The following TSPAN12 variants were observed in gnomAD, a reference collection of about 807,000 sequenced individuals.
TSPAN12 encodes tetraspanin-12.
TSPAN12 carries 19 observed loss-of-function variants against 39.2 expected under a neutral mutation model. That is an observed-to-expected ratio of 0.49 (90% confidence interval 0.34 to 0.71). The LOEUF (loss-of-function observed/expected upper bound fraction) is 0.71. Among genes scored for constraint, TSPAN12 ranks in the 30% least tolerant of loss-of-function variants. The pLI is 0.01. For synonymous variants in TSPAN12, 119 were observed against 124.8 expected (o/e 0.95, Z 0.31); for missense variants, 314 against 359.9 (o/e 0.87, Z 1.03).
chr7:120,827,189 C>T (rs1794305516), intron 4 of TSPAN12, among the ~76,000 whole-genome samples: 1 of 151,880 alleles, frequency 6.6e-6, no homozygotes, highest in African/African-American at 2.4e-5. Context: ...CCTTCTAAAT[C>T]ACATTTTTTT....
chr7:120,855,342 C>A (rs1794850822), intron 2 of TSPAN12, among the ~76,000 whole-genome samples: 1 of 152,142 alleles, frequency 6.6e-6, no homozygotes, highest in Non-Finnish European at 1.5e-5. Context: ...TTCAACCAGG[C>A]CATCTTTAAA....
chr7:120,856,057 C>T (rs1311216212), intron 2 of TSPAN12, among the ~76,000 whole-genome samples: 1 of 152,158 alleles, frequency 6.6e-6, no homozygotes, highest in African/African-American at 2.4e-5. Flanking sequence ...ATAAAGATTT[C>T]CATGAGCTTG....
At chr7:120,802,769 T>C (rs1429427201) in intron 7 of TSPAN12, among the ~76,000 whole-genome samples, 1 of 152,242 alleles carries the variant, frequency 6.6e-6, no homozygotes, top group East Asian at 1.9e-4. Flanking sequence ...TACAAGTTTG[T>C]AGCTTATTAT....
intron 5 of TSPAN12, chr7:120,814,387 T>C (rs1794040340): frequency 2.4e-6 from 1 of 410,612 alleles, no homozygotes; most frequent in South Asian, 1.8e-5. Context: ...TCCATTCTGA[T>C]TGAGCACATC....
chr7:120,838,722 A>C, intron 4 of TSPAN12, 55 bp downstream of exon 4: 1 of 1,563,866 alleles, frequency 6.4e-7, no homozygotes, highest in East Asian at 2.3e-5. Flanking sequence ...TTAAAAAATA[A>C]TATATTACTG....
At chr7:120,833,820 C>T (rs1431956083) in intron 4 of TSPAN12, among the ~76,000 whole-genome samples, 9 of 152,106 alleles carry the variant, frequency 5.9e-5, no homozygotes, top group Admixed American at 5.9e-4. Context: ...TTTCCTAATG[C>T]CTATGTTAAT....
chr7:120,793,300 A>AAATGACTTTGGATTCC, intron 7 of TSPAN12, among the ~76,000 whole-genome samples: 1 of 152,380 alleles, frequency 6.6e-6, no homozygotes, highest in Non-Finnish European at 1.5e-5. Context: ...AGGTTATTGA[A>AAATGACTTTGGATTCC]AATGACTTTG....
At chr7:120,814,108 C>T in intron 5 of TSPAN12, 1 of 437,604 alleles carries the variant, frequency 2.3e-6, no homozygotes, top group Non-Finnish European at 4.6e-6. Context: ...GCAGAGTAGC[C>T]ACTAGTCTGT....
Position 120,856,707 on chromosome 7 carries a change from C to T in TSPAN12, c.57G>A (p.Leu19=). 1 of 1,614,224 alleles carries T rather than the reference C, an allele frequency of 6.2e-7. No individual in the cohort carries two copies. Among genetic ancestry groups the T allele is most frequent in the Non-Finnish European group, 8.5e-7 (1 of 1,180,040 alleles). ...CLRCLLYALN[L]LFWLMSISVL... ...AGTGAAACTTACTTACCCAAAAGAG[C>T]AGATTGAGGGCGTAGAGCAGGCAGC... Residue 19 remains leucine (L), a synonymous_variant, in exon 2 of 8, where the codon CTG becomes CTA. Coordinates refer to ENST00000222747, the MANE Select transcript of TSPAN12 (RefSeq NM_012338.4).
rs1417188259 is a variant in TSPAN12 at position 120,799,923 on chromosome 7, TTTA to T, written c.612+6623_612+6625del. On this transcript the variant is annotated intron_variant, in intron 7 of 7. Coordinates refer to ENST00000222747, the MANE Select transcript of TSPAN12 (RefSeq NM_012338.4). Reference sequence around the variant, plus strand: ...TTTAATATATTTATTATATTAAATATTTATTATAATAGAATGTTGTATATGAAA... The same window carrying T: ...TTTAATATATTTATTATATTAAATATTTATAATAGAATGTTGTATATGAAA... Among the ~76,000 whole-genome samples, 4 of 144,422 alleles carry T rather than the reference TTTA, an allele frequency of 2.8e-5. No individual in the cohort carries two copies. The East Asian group carries it at 7.9e-4, about 28-fold the overall frequency. The allele number at this position is 144,422 out of a possible 152,430, so 94.7% of individuals were successfully genotyped here.
intron 1 of TSPAN12, chr7:120,857,303 G>A (rs1794891550): frequency 5.0e-6 from 1 of 198,882 alleles, no homozygotes; most frequent in African/African-American, 2.3e-5. Flanking sequence ...ACAGTTCCTG[G>A]GCACTCCAAC....
intron 4 of TSPAN12, among the ~76,000 whole-genome samples, chr7:120,833,476 G>A (rs1794424541): frequency 6.6e-6 from 1 of 151,256 alleles, no homozygotes; most frequent in Non-Finnish European, 1.5e-5. Flanking sequence ...TTCCACTAAG[G>A]AAAACATTCA....
chr7:120,796,279 A>T (rs1793628169), intron 7 of TSPAN12, among the ~76,000 whole-genome samples: 1 of 152,172 alleles, frequency 6.6e-6, no homozygotes, highest in African/African-American at 2.4e-5. Flanking sequence ...GAAAAACTGG[A>T]CCAAGTCCCA....
chr7:120,808,588 C>T (rs575183312), intron 6 of TSPAN12, among the ~76,000 whole-genome samples: 16 of 152,268 alleles, frequency 1.1e-4, no homozygotes, highest in African/African-American at 3.6e-4. Context: ...GAGTGTGGCA[C>T]AGTCTATTCC....
chr7:120,853,517 CAT>C (rs1340048842), intron 2 of TSPAN12, among the ~76,000 whole-genome samples: 5 of 144,946 alleles, frequency 3.4e-5, no homozygotes, highest in African/African-American at 1.3e-4. Context: ...TATATTTAGA[CAT>C]ATATTTATAT....
At chr7:120,824,450 A>C (rs952076440) in intron 4 of TSPAN12, among the ~76,000 whole-genome samples, 11 of 151,944 alleles carry the variant, frequency 7.2e-5, no homozygotes, top group African/African-American at 1.7e-4. Context: ...CAAAAAAAAA[A>C]CAAAAACCTA....
At chr7:120,797,029 C>T (rs573384219) in intron 7 of TSPAN12, among the ~76,000 whole-genome samples, 8 of 152,240 alleles carry the variant, frequency 5.3e-5, no homozygotes, top group South Asian at 2.1e-4. Flanking sequence ...TGGTGGCAGG[C>T]GCCTGTAGTC....
At chr7:120,812,885 C>CA (rs574389925) in intron 5 of TSPAN12, among the ~76,000 whole-genome samples, 101 of 151,522 alleles carry the variant, frequency 6.7e-4, no homozygotes, top group Admixed American at 2.1e-3. Context: ...ATGAGCAGTA[C>CA]AAAAAAAACC....
chr7:120,804,315 C>T (rs139861280), intron 7 of TSPAN12, among the ~76,000 whole-genome samples: 29 of 152,052 alleles, frequency 1.9e-4, no homozygotes, highest in Non-Finnish European at 2.2e-4. Context: ...TACTGTTTTC[C>T]GTTTTATGGA....
Sources: gnomAD v4.1 joint callset for allele counts (sites outside exome capture counted in the v4.1 genomes callset) on GRCh38, gnomAD v4.1.1 for gene constraint, MANE v1.5 for transcripts, NCBI Gene and HGNC (gene_info 2026-07-23, HGNC 2026-07-21) for gene names.